The following RNMT variants were observed in gnomAD, a reference collection of about 807,000 sequenced individuals.
RNMT encodes the protein RNA guanine-7 methyltransferase, also known as mRNA cap guanine-N(7) methyltransferase.
RNMT carries 27 observed loss-of-function variants against 56.0 expected under a neutral mutation model. That is an observed-to-expected ratio of 0.48 (90% CI 0.36 to 0.67). The LOEUF is 0.67. Ranked by LOEUF, RNMT falls within the 30% of genes least tolerant of loss-of-function variation. The probability of loss-of-function intolerance (pLI) is 0.00; values close to 1 mark genes in which losing one functional copy is unlikely to be tolerated. For missense variants in RNMT, 519 were observed against 552.1 expected (o/e 0.94, Z 0.60); for synonymous variants, 184 against 176.2 (o/e 1.04, Z -0.35).
At chr18:13,743,361 T>A (rs1451834070) in intron 8 of RNMT, among the ~76,000 whole-genome samples, 9 of 149,176 alleles carry the variant, frequency 6.0e-5, no homozygotes, top group South Asian at 2.1e-4. Context: ...AATAAATAAA[T>A]AAATAAATAA....
At chr18:13,759,537 T>C (rs1372701167) in intron 11 of RNMT, among the ~76,000 whole-genome samples, 2 of 152,182 alleles carry the variant, frequency 1.3e-5, no homozygotes, top group African/African-American at 4.8e-5. Context: ...CCTTTAATTC[T>C]AGTTTTCTAA....
At chr18:13,739,006 G>A (rs996391248) in intron 5 of RNMT, among the ~76,000 whole-genome samples, 9 of 152,176 alleles carry the variant, frequency 5.9e-5, no homozygotes, top group African/African-American at 1.9e-4. Context: ...CTAACAGGCC[G>A]TGGACCTGTA....
At chr18:13,732,742 CTTT>C (rs376073026) in intron 3 of RNMT, among the ~76,000 whole-genome samples, 2 of 28,532 alleles carry the variant, frequency 7.0e-5, no homozygotes, top group Admixed American at 3.4e-4. Context: ...GGAGCCCCCC[CTTT>C]TTTTTTTTTT....
At chr18:13,729,753 CTTT>C (rs1017779085) in intron 1 of RNMT, among the ~76,000 whole-genome samples, 2 of 151,486 alleles carry the variant, frequency 1.3e-5, no homozygotes, top group African/African-American at 4.9e-5. Flanking sequence ...ATCCAAAAGG[CTTT>C]TTATTTATTT....
intron 10 of RNMT, among the ~76,000 whole-genome samples, chr18:13,753,587 C>G (rs1259765119): frequency 6.6e-6 from 1 of 151,762 alleles, no homozygotes; most frequent in Non-Finnish European, 1.5e-5. Context: ...CTGGCTGACA[C>G]GGTGAAACCT....
Position 13,742,641 on chromosome 18 carries a change from A to C in RNMT, c.1128A>C (p.Pro376=). Residue 376 remains proline, a synonymous_variant, in exon 8 of 12, where the codon CCA becomes CCC. Transcript: ENST00000383314. ...VDVPEFLVYF[P]LLNEMAKKYN... ...TTCCTGAATTCTTGGTCTATTTTCCATTGCTAAATGAGTAAGAAGTCATTA... is the reference window on the plus strand; with the variant it reads ...TTCCTGAATTCTTGGTCTATTTTCCCTTGCTAAATGAGTAAGAAGTCATTA... 1.2e-6 allele frequency: 2 copies of C among 1,612,400 alleles called. No homozygotes were observed. The highest frequency in any genetic ancestry group is 1.7e-6 in the Non-Finnish European group (2 of 1,179,132).
At position 13,731,790 on chromosome 18, in the gene RNMT, G is replaced by C; in HGVS notation, c.273G>C (p.Glu91Asp). ...AACTTGATCCTGAAATTGTCCCAGA[G>C]GAAAAAGATTGTGGTGATGCTGAAG... ...KRKLDPEIVPEEKDCGDAEGN... is the reference protein window; with the variant it reads ...KRKLDPEIVPDEKDCGDAEGN... Residue 91 changes from glutamate (E) to aspartate (D), a missense_variant, in exon 3 of 12, where the codon GAG (glutamate) becomes GAC (aspartate). By Grantham distance (45) the Glu-to-Asp change is conservative. Transcript: ENST00000383314. 6.2e-7 allele frequency: 1 copy of C among 1,613,224 alleles called. No homozygotes were observed. Among genetic ancestry groups the C allele is most frequent in the Admixed American group, 1.7e-5 (1 of 59,894 alleles).
chr18:13,742,246 G>T (rs1000250024), intron 7 of RNMT, among the ~76,000 whole-genome samples: 1 of 151,760 alleles, frequency 6.6e-6, no homozygotes, highest in African/African-American at 2.4e-5. Context: ...GAGGCAGGAG[G>T]ATCACTTGAG....
At chr18:13,744,947 T>C (rs930848394) in intron 8 of RNMT, among the ~76,000 whole-genome samples, 1 of 152,176 alleles carries the variant, frequency 6.6e-6, no homozygotes, top group African/African-American at 2.4e-5. Context: ...AATTAAGATT[T>C]AAGGAAGGTG....
Position 13,746,304 on chromosome 18 carries a change from T to C in RNMT, c.1224T>C (p.Asn408=). The C allele has an allele frequency of 6.4e-7, 1 of 1,566,048 alleles. No homozygotes were observed. Among genetic ancestry groups the C allele is most frequent in the Non-Finnish European group, 8.7e-7 (1 of 1,149,316 alleles). ...FYEEKIKNNE[N]KMLLKRMQAL... Reference sequence around the variant, plus strand: ...AAGAAAAGATTAAGAACAATGAAAATAAAATGCTCTTAAAACGAATGCAGG... The same window carrying C: ...AAGAAAAGATTAAGAACAATGAAAACAAAATGCTCTTAAAACGAATGCAGG... The change falls in exon 9 of 12, where the codon AAT becomes AAC. Residue 408 remains asparagine (N), a synonymous_variant. Transcript: ENST00000383314.
intron 4 of RNMT, among the ~76,000 whole-genome samples, chr18:13,735,245 G>A (rs1007169780): frequency 6.6e-6 from 1 of 152,104 alleles, no homozygotes; most frequent in Non-Finnish European, 1.5e-5. Context: ...CAAAGAAGAA[G>A]TGAGAATGCT....
intron 4 of RNMT, 78 bp downstream of exon 4, chr18:13,734,677 G>A: frequency 8.0e-7 from 1 of 1,252,110 alleles, no homozygotes; most frequent in Non-Finnish European, 1.1e-6. Flanking sequence ...TAAAGCTAGA[G>A]CCAAGACTAG....
rs750584765 is a variant in RNMT at position 13,746,250 on chromosome 18, C to T, written c.1170C>T (p.Val390=). 6.4e-7 allele frequency: 1 copy of T among 1,552,114 alleles called. No individual in the cohort carries two copies. ...CAAAGAAGTACAATATGAAACTAGT[C>T]TACAAAAAAACATTTCTGGAATTCT... ...EMAKKYNMKL[V]YKKTFLEFYE... is the part of the protein sequence containing the mutation. Residue 390 remains valine (V), a synonymous_variant, in exon 9 of 12, where the codon GTC becomes GTT. Transcript: ENST00000383314.
intron 9 of RNMT, among the ~76,000 whole-genome samples, chr18:13,747,566 G>A (rs1290173889): frequency 6.6e-6 from 1 of 152,146 alleles, no homozygotes; most frequent in Non-Finnish European, 1.5e-5. Flanking sequence ...AGAGGATAAT[G>A]ACTTGCTCAA....
intron 8 of RNMT, among the ~76,000 whole-genome samples, chr18:13,743,554 G>A (rs1032854306): frequency 6.6e-6 from 1 of 151,998 alleles, no homozygotes; most frequent in Non-Finnish European, 1.5e-5. Flanking sequence ...AAAGCTGGGG[G>A]TAACTGGGCC....
rs368078719 is a variant in RNMT at position 13,761,856 on chromosome 18, C to T, written c.*1877C>T. On this transcript the variant is annotated 3_prime_UTR_variant, in exon 12 of 12. Coordinates refer to ENST00000383314, the MANE Select transcript of RNMT (RefSeq NM_003799.3). ...CCACCACCCTACACCCCCCTCCCCC[C>T]GGCCCCAAGCCCCTGTGTCTCCTTG... 19,868 of 1,110,130 alleles carry T rather than the reference C, an allele frequency of 0.018. 205 individuals carry two copies. The highest frequency in any genetic ancestry group is 0.04 in the Middle Eastern group (99 of 2,472). The allele number at this position is 1,110,130 out of a possible 1,614,324, so 68.8% of individuals were successfully genotyped here.
intron 11 of RNMT, 46 bp from the exon 12 acceptor site, chr18:13,759,896 A>G: frequency 6.7e-7 from 1 of 1,496,222 alleles, no homozygotes; most frequent in Non-Finnish European, 9.3e-7. Flanking sequence ...TGTTTTATTT[A>G]TTGTAATCAT....
At chr18:13,733,047 C>CCAA (rs1349353730) in intron 3 of RNMT, among the ~76,000 whole-genome samples, 7 of 152,084 alleles carry the variant, frequency 4.6e-5, no homozygotes, top group Non-Finnish European at 1.0e-4. Context: ...AGGCATGAGC[C>CCAA]ACTGCGCCTG....
chr18:13,754,421 T>G (rs1262072540), intron 11 of RNMT, among the ~76,000 whole-genome samples: 3 of 152,102 alleles, frequency 2.0e-5, no homozygotes, highest in African/African-American at 7.2e-5. Context: ...GTGGGAGGAT[T>G]CCTTGAGCCT....
Sources: gnomAD v4.1 joint callset for allele counts (sites outside exome capture counted in the v4.1 genomes callset) on GRCh38, gnomAD v4.1.1 for gene constraint, MANE v1.5 for transcripts, NCBI Gene and HGNC (gene_info 2026-07-23, HGNC 2026-07-21) for gene names.